The following HADHB variants were observed in gnomAD, a reference collection of about 807,000 sequenced individuals.
HADHB encodes trifunctional enzyme subunit beta, mitochondrial.
In HADHB, 50 loss-of-function variants were observed where a neutral mutation model predicts 61.9. The observed-to-expected ratio is 0.81, with a 90% confidence interval of 0.64 to 1.02. The LOEUF is 1.02. HADHB is among the 50% of genes least tolerant of loss of function. HADHB has a pLI of 0.00. For missense variants in HADHB, 504 were observed against 586.5 expected, an observed-to-expected ratio of 0.86 and a Z score of 1.45; for synonymous variants, 191 against 201.6, an observed-to-expected ratio of 0.95 and a Z score of 0.45.
intron 5 of HADHB, among the ~76,000 whole-genome samples, chr2:26,271,618 T>A (rs1225431725): frequency 6.6e-6 from 1 of 152,204 alleles, no homozygotes; most frequent in Non-Finnish European, 1.5e-5. Context: ...TTTCTCTGTA[T>A]GCATATTTTC....
At chr2:26,282,716 GTGT>G (rs936548386) in intron 10 of HADHB, 126 bp from the exon 11 acceptor site, 46 of 716,858 alleles carry the variant, frequency 6.4e-5, no homozygotes, top group African/African-American at 6.1e-4. Flanking sequence ...AGTGAAGTAA[GTGT>G]TGTTATATAG....
At chr2:26,274,627 G>A (rs1328004202) in intron 6 of HADHB, among the ~76,000 whole-genome samples, 1 of 152,156 alleles carries the variant, frequency 6.6e-6, no homozygotes, top group Non-Finnish European at 1.5e-5. Context: ...TTAACAATAG[G>A]AAGAGATTTT....
chr2:26,266,166 T>G (rs1369306491), intron 4 of HADHB, among the ~76,000 whole-genome samples: 1 of 151,398 alleles, frequency 6.6e-6, no homozygotes, highest in Non-Finnish European at 1.5e-5. Flanking sequence ...CTTGGGAGGC[T>G]GGGGCGGGAG....
chr2:26,249,243 G>A (rs1425066737), intron 1 of HADHB, among the ~76,000 whole-genome samples: 1 of 151,572 alleles, frequency 6.6e-6, no homozygotes, highest in African/African-American at 2.4e-5. Context: ...TCTTAAAGGG[G>A]ATTTATTAGT....
chr2:26,284,178 G>T lies in HADHB; in HGVS notation c.1123G>T (p.Ala375Ser), dbSNP rs1558360702. The T allele has an allele frequency of 6.3e-7, 1 of 1,586,602 alleles. No individual in the cohort carries two copies. Among genetic ancestry groups the T allele is most frequent in the Non-Finnish European group, 8.7e-7 (1 of 1,155,186 alleles). The change falls in exon 13 of 16, where the codon GCT becomes TCT. Residue 375 changes from alanine to serine, a missense_variant. Ala to Ser is a moderately conservative substitution (Grantham distance 99). Transcript: ENST00000317799. ...KAGLTMNDID[A>S]FEFHEAFSGQ... Reference sequence around the variant, plus strand: ...AGGATTGACCATGAATGATATTGATGCTTTTGAATTTCATGAAGCTTTCTC... The same window carrying T: ...AGGATTGACCATGAATGATATTGATTCTTTTGAATTTCATGAAGCTTTCTC...
intron 5 of HADHB, among the ~76,000 whole-genome samples, chr2:26,272,693 A>G (rs1158310510): frequency 6.6e-6 from 1 of 151,414 alleles, no homozygotes; most frequent in African/African-American, 2.5e-5. Context: ...CTTTTGGCAC[A>G]AAAAAGATGG....
intron 4 of HADHB, among the ~76,000 whole-genome samples, chr2:26,265,451 C>T (rs1672036873): frequency 6.6e-6 from 1 of 152,092 alleles, no homozygotes; most frequent in African/African-American, 2.4e-5. Flanking sequence ...CAAAAATTAG[C>T]TAGGTGTGGT....
At chr2:26,266,743 G>C (rs867384560) in intron 4 of HADHB, among the ~76,000 whole-genome samples, 71 of 151,728 alleles carry the variant, frequency 4.7e-4, no homozygotes, top group African/African-American at 1.6e-3. Flanking sequence ...AGCCAGGCAT[G>C]GTGGCGTGCA....
rs138620694 is a variant in HADHB, at chr2:26,281,662, A to T, written c.934-1183A>T. Reference sequence around the variant, plus strand: ...ATACATGGATTTTGGGGACTGCATTAGTGCCCCACATTCATTGCAATTTTG... The same window carrying T: ...ATACATGGATTTTGGGGACTGCATTTGTGCCCCACATTCATTGCAATTTTG... On this transcript the variant is annotated intron_variant, in intron 10 of 15. Coordinates refer to ENST00000317799, the MANE Select transcript of HADHB (RefSeq NM_000183.3). Among the ~76,000 whole-genome samples, 3 of 152,350 alleles carry T rather than the reference A, an allele frequency of 2.0e-5. No individual in the cohort carries two copies. In the East Asian group the frequency reaches 5.8e-4, roughly 29 times the overall value.
intron 3 of HADHB, chr2:26,261,185 G>T: frequency 2.3e-6 from 1 of 440,270 alleles, no homozygotes; most frequent in Non-Finnish European, 4.2e-6. Flanking sequence ...CCTGTGGGAT[G>T]TCCAAAACAA....
chr2:26,270,016 A>G lies in HADHB; in HGVS notation c.254+19A>G. ...CGCTTACGTAAGTAAATGCAGTTTC[A>G]TTTCCGTTCTTATTTCATTAAAGGC... is the stretch of plus-strand genomic sequence containing the variant. On this transcript the variant is annotated intron_variant, in intron 5 of 15. Coordinates refer to ENST00000317799, the MANE Select transcript of HADHB (RefSeq NM_000183.3). The G allele has an allele frequency of 6.5e-7, 1 of 1,543,606 alleles. No individual in the cohort carries two copies. Among genetic ancestry groups the G allele is most frequent in the Non-Finnish European group, 9.0e-7 (1 of 1,115,838 alleles).
chr2:26,269,831 A>G (rs1007035028), intron 4 of HADHB, 122 bp from the exon 5 acceptor site: 4 of 761,168 alleles, frequency 5.3e-6, no homozygotes, highest in Non-Finnish European at 7.3e-6. Context: ...TGCCTTGGAT[A>G]GTAAAGTTAA....
chr2:26,256,389 A>G (rs191932075), intron 3 of HADHB, among the ~76,000 whole-genome samples: 3 of 152,282 alleles, frequency 2.0e-5, no homozygotes, highest in Non-Finnish European at 4.4e-5. Flanking sequence ...CAGAGCTGTT[A>G]GGATGAAGGA....
At chr2:26,288,118 T>C (rs1483711962) in intron 15 of HADHB, among the ~76,000 whole-genome samples, 1 of 151,300 alleles carries the variant, frequency 6.6e-6, no homozygotes, top group Non-Finnish European at 1.5e-5. Context: ...AATACAAAAA[T>C]TAGCCAGGTA....
chr2:26,273,777 TAA>T, intron 6 of HADHB, 27 bp downstream of exon 6: 1 of 1,091,344 alleles, frequency 9.2e-7, no homozygotes, highest in African/African-American at 1.5e-5. Flanking sequence ...TTATGTTGTT[TAA>T]AGAGTGATAG....
At position 26,254,098 on chromosome 2, in the gene HADHB, A is replaced by G; in HGVS notation, c.-8-149A>G. ...AAACCATGTTGGTGTTCCTATCATA[A>G]TAATATTATTAGATGAAGAATAGTT... On this transcript the variant is annotated intron_variant, in intron 1 of 15. Transcript: ENST00000317799. The G allele has an allele frequency of 8.2e-6, 5 of 607,940 alleles. No homozygotes were observed. In the South Asian group the frequency reaches 9.4e-5, roughly 11 times the overall value. The allele number at this position is 607,940 out of a possible 1,614,324, so 37.7% of individuals were successfully genotyped here.
At chr2:26,279,627 TA>T (rs879532452) in intron 9 of HADHB, among the ~76,000 whole-genome samples, 442 of 138,084 alleles carry the variant, frequency 3.2e-3, no homozygotes, top group Middle Eastern at 7.2e-3. Context: ...CATCTCTAAT[TA>T]AAAAAAAAAA....
In HADHB at chr2:26,272,471, G is replaced by A. The variant is rs990402298; in HGVS notation, c.255-1180G>A. On this transcript the variant is annotated intron_variant, in intron 5 of 15. Transcript: ENST00000317799. ...AGCAATTCTCCTGCCTCAGCCTTCC[G>A]AGTAGCTGGAATTACAGGCACATGC... is the stretch of plus-strand genomic sequence containing the variant. Among the ~76,000 whole-genome samples the A allele has an allele frequency of 9.2e-5, 14 of 151,542 alleles. No homozygotes were observed. In the East Asian group the frequency reaches 1.6e-3, roughly 17 times the overall value.
At chr2:26,281,967 C>G (rs1200549663) in intron 10 of HADHB, among the ~76,000 whole-genome samples, 1 of 151,520 alleles carries the variant, frequency 6.6e-6, no homozygotes, top group Non-Finnish European at 1.5e-5. Flanking sequence ...CTTCTTTGTC[C>G]TCCAGCTTCT....
Sources: allele counts gnomAD v4.1 joint callset (sites outside exome capture counted in the v4.1 genomes callset), GRCh38; gene constraint gnomAD v4.1.1; transcripts MANE v1.5; gene names NCBI Gene and HGNC (gene_info 2026-07-23, HGNC 2026-07-21).